SERPINB6: variants seen among roughly 807,000 people sequenced by gnomAD.
SERPINB6 encodes the protein serpin B6.
Under a neutral mutation model 26.1 loss-of-function variants are expected in SERPINB6, and 16 were observed. The observed-to-expected ratio is 0.61, with a 90% CI of 0.42 to 0.93. The LOEUF (loss-of-function observed/expected upper bound fraction) is 0.93, where lower values mean the gene tolerates loss of function less well. SERPINB6 is among the 40% of genes least tolerant of loss of function. The probability of loss-of-function intolerance (pLI) is 0.00; values close to 1 mark genes in which losing one functional copy is unlikely to be tolerated. For synonymous variants in SERPINB6, 174 were observed against 176.6 expected, an observed-to-expected ratio of 0.99 and a Z score of 0.11; for missense variants, 420 against 478.0, an observed-to-expected ratio of 0.88 and a Z score of 1.13.
chr6:2,963,084 C>A (rs1301266195), intron 1 of SERPINB6, among the ~76,000 whole-genome samples: 1 of 151,952 alleles, frequency 6.6e-6, no homozygotes, highest in Non-Finnish European at 1.5e-5. Context: ...TGATGGTCTA[C>A]CCAAAAAGCA....
At chr6:2,961,672 C>T (rs752903610) in intron 1 of SERPINB6, among the ~76,000 whole-genome samples, 4 of 152,146 alleles carry the variant, frequency 2.6e-5, no homozygotes, top group Non-Finnish European at 5.9e-5. Flanking sequence ...TGGGGTTTTC[C>T]CTGGCCTGGG....
intron 1 of SERPINB6, chr6:2,968,201 C>G (rs896337393): frequency 6.6e-6 from 1 of 152,196 alleles, no homozygotes; most frequent in Non-Finnish European, 1.5e-5. Flanking sequence ...ACGCAGGGAA[C>G]AGAAAACCAA....
At chr6:2,951,326 C>CA (rs1769766244) in intron 5 of SERPINB6, among the ~76,000 whole-genome samples, 1 of 149,646 alleles carries the variant, frequency 6.7e-6, no homozygotes, top group African/African-American at 2.5e-5. Flanking sequence ...GCGGAGGCTG[C>CA]AGTGTTCCGA....
At chr6:2,952,384 A>G (rs1218181070) in intron 5 of SERPINB6, among the ~76,000 whole-genome samples, 1 of 152,242 alleles carries the variant, frequency 6.6e-6, no homozygotes, top group African/African-American at 2.4e-5. Flanking sequence ...AAAAATTTCT[A>G]TAGTTAAAGA....
At chr6:2,959,485 G>T in intron 1 of SERPINB6, 143 bp from the exon 2 acceptor site, 1 of 799,630 alleles carries the variant, frequency 1.3e-6, no homozygotes, top group Non-Finnish European at 2.1e-6. Flanking sequence ...TTTCTTTTTA[G>T]GACCCTCCAC....
intron 1 of SERPINB6, among the ~76,000 whole-genome samples, chr6:2,964,495 C>A (rs1771434656): frequency 6.6e-6 from 1 of 152,138 alleles, no homozygotes; most frequent in African/African-American, 2.4e-5. Flanking sequence ...AATTTACAGA[C>A]AGAATAGAGG....
chr6:2,968,959 A>G (rs957962532), intron 1 of SERPINB6: 127 of 1,222,284 alleles, frequency 1.0e-4, no homozygotes, highest in African/African-American at 4.8e-4. Context: ...GGGGGCTTCT[A>G]CTGGATCTGT....
rs1769313482 is a variant in SERPINB6, at chr6:2,948,159, T to A, written c.*139A>T. ...CGTGCAGACACACAAACACACGGAGTGAATGCGGCATCCCACAAATGGGCC... is the reference window on the plus strand; with the variant it reads ...CGTGCAGACACACAAACACACGGAGAGAATGCGGCATCCCACAAATGGGCC... On this transcript the variant is annotated 3_prime_UTR_variant, in exon 7 of 7. Transcript: ENST00000380539. The surrounding 1 kb of genome is among the most constrained non-coding windows in gnomAD (Gnocchi z 5.0). 7 of 919,168 alleles carry A rather than the reference T, an allele frequency of 7.6e-6. No individual in the cohort carries two copies. In the Admixed American group the frequency reaches 1.3e-4, roughly 17 times the overall value. The allele number at this position is 919,168 out of a possible 1,614,324, so 56.9% of individuals were successfully genotyped here.
chr6:2,968,808 A>T, intron 1 of SERPINB6: 2 of 1,231,620 alleles, frequency 1.6e-6, no homozygotes, highest in Non-Finnish European at 2.0e-6. Context: ...CATGGACAGG[A>T]CATGTCAGCT....
In SERPINB6 at chr6:2,948,582, C is replaced by G; in HGVS notation, c.847G>C (p.Glu283Gln). 1 of 1,614,220 alleles carries G rather than the reference C, an allele frequency of 6.2e-7. No homozygotes were observed. Among genetic ancestry groups the G allele is most frequent in the Non-Finnish European group, 8.5e-7 (1 of 1,180,034 alleles). ...ATGCCCAGGTTGCGCAGGACACTCTCCATGTCGTAGCTTTCCTCTAGTTTA... is the reference window on the plus strand; with the variant it reads ...ATGCCCAGGTTGCGCAGGACACTCTGCATGTCGTAGCTTTCCTCTAGTTTA... ...RFKLEESYDM[E>Q]SVLRNLGMTD... is the part of the protein sequence containing the mutation. Residue 283 changes from glutamate (E) to glutamine (Q), a missense_variant, in exon 7 of 7, where the codon GAG becomes CAG. Transcript: ENST00000380539. The surrounding 1 kb of genome is among the most constrained non-coding windows in gnomAD (Gnocchi z 5.0).
chr6:2,959,680 CT>C, intron 1 of SERPINB6: 1 of 372,836 alleles, frequency 2.7e-6, no homozygotes, highest in Non-Finnish European at 5.1e-6. Flanking sequence ...GCTTTTGCTT[CT>C]ATGTTTGTAT....
chr6:2,953,966 G>A (rs1173139201), intron 4 of SERPINB6, among the ~76,000 whole-genome samples: 1 of 151,964 alleles, frequency 6.6e-6, no homozygotes, highest in Non-Finnish European at 1.5e-5. Flanking sequence ...GGAGGCAGAG[G>A]TTGCAATGAG....
intron 1 of SERPINB6, chr6:2,960,808 T>G (rs9503348): frequency 0.3 from 45,153 of 152,230 alleles, 7,321 homozygotes; most frequent in East Asian, 0.47. Flanking sequence ...CAAAAGGGAC[T>G]GTGCAGCACG....
At chr6:2,971,232 G>C (rs1036157234) in intron 1 of SERPINB6, 31 of 957,624 alleles carry the variant, frequency 3.2e-5, no homozygotes, top group Non-Finnish European at 3.7e-5. Context: ...CGGGCTCGCG[G>C]CCACGCACGA....
intron 1 of SERPINB6, chr6:2,971,046 A>G: frequency 8.4e-7 from 1 of 1,189,400 alleles, no homozygotes; most frequent in Non-Finnish European, 1.0e-6. Flanking sequence ...GCGCCCCAAG[A>G]CTGAGCACGC....
chr6:2,968,470 A>T, intron 1 of SERPINB6: 1 of 1,042,684 alleles, frequency 9.6e-7, no homozygotes, highest in Non-Finnish European at 1.2e-6. Context: ...AGGTTAAAAA[A>T]AAAAAGAAGA....
At chr6:2,955,815 G>A (rs927004396) in intron 2 of SERPINB6, 145 bp from the exon 3 acceptor site, 11 of 858,276 alleles carry the variant, frequency 1.3e-5, no homozygotes, top group East Asian at 2.7e-5. Flanking sequence ...AGCAGCTCAC[G>A]CCTATAATCC....
At chr6:2,955,850 G>A in intron 2 of SERPINB6, 180 bp from the exon 3 acceptor site, 1 of 601,764 alleles carries the variant, frequency 1.7e-6, no homozygotes, top group Non-Finnish European at 2.9e-6. Context: ...GCCAAGGCGG[G>A]AGGATCACCT....
chr6:2,956,329 C>A (rs1770475699), intron 2 of SERPINB6: 1 of 153,742 alleles, frequency 6.5e-6, no homozygotes, highest in South Asian at 2.0e-4. Flanking sequence ...CTGGCTCTGA[C>A]TAATGATACA....
Sources: gnomAD v4.1 joint callset for allele counts (sites outside exome capture counted in the v4.1 genomes callset) on GRCh38, gnomAD v4.1.1 for gene constraint, Gnocchi (gnomAD v3.1) non-coding constraint, MANE v1.5 for transcripts, NCBI Gene and HGNC (gene_info 2026-07-23, HGNC 2026-07-21) for gene names.